Variants in PDS5B observed in about 807,000 individuals in gnomAD.
The protein encoded by PDS5B is PDS5 cohesin associated factor B.
A neutral mutation model predicts 184.1 loss-of-function variants in PDS5B; 51 were observed. The ratio of observed to expected loss-of-function variants is 0.28; its 90% CI spans 0.22 to 0.35. The LOEUF (loss-of-function observed/expected upper bound fraction) is 0.35. Among genes scored for constraint, PDS5B ranks in the 10% least tolerant of loss-of-function variants. The pLI is 1.00. For missense variants in PDS5B, 1,180 were observed against 1,723.3 expected (o/e 0.68, Z 5.58); for synonymous variants, 566 against 569.2 (o/e 0.99, Z 0.08).
rs117334197 is a variant in PDS5B at position 32,673,626 on chromosome 13, T to C, written c.846+270T>C. On this transcript the variant is annotated intron_variant, in intron 8 of 34. Transcript: ENST00000315596. ...GATAAATTCTAGGATTTGACTAACT[T>C]TTGAAGTCTTAGCTGTACATCAAGC... Among the ~76,000 whole-genome samples, 1,343 of 152,306 alleles carry C rather than the reference T, an allele frequency of 8.8e-3. 15 individuals carry two copies. Among genetic ancestry groups the C allele is most frequent in the Admixed American group, 0.019 (288 of 15,290 alleles).
chr13:32,641,172 T>C (rs1950078574), intron 1 of PDS5B, among the ~76,000 whole-genome samples: 1 of 152,224 alleles, frequency 6.6e-6, no homozygotes, highest in African/African-American at 2.4e-5. Context: ...TTTTCATTTT[T>C]TGTTTGCTCT....
At chr13:32,616,054 TCTCTC>T (rs1413492516) in intron 1 of PDS5B, among the ~76,000 whole-genome samples, 1 of 151,634 alleles carries the variant, frequency 6.6e-6, no homozygotes, top group Non-Finnish European at 1.5e-5. Flanking sequence ...CTCCTCTCTC[TCTCTC>T]TTTTTTTTTT....
chr13:32,739,324 A>G (rs1053276699), intron 21 of PDS5B, among the ~76,000 whole-genome samples: 1 of 152,094 alleles, frequency 6.6e-6, no homozygotes, highest in Non-Finnish European at 1.5e-5. Flanking sequence ...TTTTCCACTG[A>G]TGCGTTTGCC....
At chr13:32,603,268 TGTGTAAG>T (rs2058006854) in intron 1 of PDS5B, among the ~76,000 whole-genome samples, 1 of 152,236 alleles carries the variant, frequency 6.6e-6, no homozygotes, top group South Asian at 2.1e-4. Flanking sequence ...AATTAATTTT[TGTGTAAG>T]GTGTAAGGAA....
At chr13:32,725,373 T>C (rs1408853418) in intron 19 of PDS5B, among the ~76,000 whole-genome samples, 1 of 152,166 alleles carries the variant, frequency 6.6e-6, no homozygotes, top group African/African-American at 2.4e-5. Flanking sequence ...CTCTTCAAGT[T>C]AGTCCCTGAG....
chr13:32,682,828 T>C (rs1261548041), intron 10 of PDS5B, among the ~76,000 whole-genome samples: 1 of 152,198 alleles, frequency 6.6e-6, no homozygotes, highest in Admixed American at 6.5e-5. Context: ...CTTCAACTAT[T>C]TTAAATGTTT....
At chr13:32,690,840 A>G (rs1951527592) in intron 13 of PDS5B, 1 of 152,108 alleles carries the variant, frequency 6.6e-6, no homozygotes, top group African/African-American at 2.4e-5. Context: ...GAATGAATGG[A>G]TATTTATTTG....
intron 1 of PDS5B, among the ~76,000 whole-genome samples, chr13:32,627,543 C>G (rs1420211961): frequency 6.6e-6 from 1 of 151,756 alleles, no homozygotes; most frequent in Admixed American, 6.6e-5. Context: ...AAAGAAATAT[C>G]TTTTTTCTAG....
chr13:32,689,621 T>C (rs1251909124), intron 13 of PDS5B: 1 of 152,200 alleles, frequency 6.6e-6, no homozygotes, highest in Non-Finnish European at 1.5e-5. Flanking sequence ...ACACAAATGT[T>C]AAGTTCCACA....
intron 8 of PDS5B, among the ~76,000 whole-genome samples, chr13:32,673,960 C>CA (rs11369992): frequency 5.3e-5 from 8 of 152,164 alleles, no homozygotes; most frequent in African/African-American, 9.6e-5. Flanking sequence ...GGACTACAGG[C>CA]TGTGCCACCA....
intron 26 of PDS5B, 146 bp downstream of exon 26, chr13:32,756,102 CT>C (rs1250606025): frequency 3.7e-5 from 18 of 491,794 alleles, no homozygotes; most frequent in Admixed American, 2.4e-4. Flanking sequence ...TCTTGTCTTT[CT>C]TTTTTCATAC....
chr13:32,659,061 T>C lies in PDS5B; in HGVS notation c.498-93T>C, dbSNP rs184935075. 127 of 818,998 alleles carry C rather than the reference T, an allele frequency of 1.6e-4. No homozygotes were observed. In the Admixed American group the frequency reaches 3.4e-3, roughly 22 times the overall value. The allele number at this position is 818,998 out of a possible 1,614,324, so 50.7% of individuals were successfully genotyped here. ...AATTTTATTTAATATTTTAGTATTA[T>C]TTTTGTAAAGCATAATGCTTGTCAG... On this transcript the variant is annotated intron_variant, in intron 5 of 34. Coordinates refer to ENST00000315596, the MANE Select transcript of PDS5B (RefSeq NM_015032.4).
intron 6 of PDS5B, among the ~76,000 whole-genome samples, chr13:32,663,519 A>G (rs1453898301): frequency 6.6e-6 from 1 of 152,160 alleles, no homozygotes; most frequent in Admixed American, 6.5e-5. Context: ...AGATATAGAA[A>G]AAGATGGATA....
chr13:32,686,616 C>T (rs1032394551), intron 11 of PDS5B, among the ~76,000 whole-genome samples: 22 of 151,890 alleles, frequency 1.4e-4, no homozygotes, highest in Non-Finnish European at 2.8e-4. Flanking sequence ...CCTGTTTCTA[C>T]AAAAAACAAA....
At chr13:32,650,482 T>A (rs955619853) in intron 2 of PDS5B, 1 of 152,202 alleles carries the variant, frequency 6.6e-6, no homozygotes, top group African/African-American at 2.4e-5. Context: ...TTATAAAATT[T>A]TTTTTCCTGT....
intron 19 of PDS5B, among the ~76,000 whole-genome samples, chr13:32,719,484 G>A (rs979636358): frequency 2.0e-5 from 3 of 151,408 alleles, no homozygotes; most frequent in South Asian, 2.1e-4. Flanking sequence ...TGCCTGGCCT[G>A]GATTGTATTA....
intron 33 of PDS5B, among the ~76,000 whole-genome samples, chr13:32,772,124 C>A (rs983798670): frequency 2.0e-5 from 3 of 151,926 alleles, no homozygotes; most frequent in East Asian, 3.9e-4. Context: ...CATGTTATTT[C>A]TATAGTTTCA....
At chr13:32,736,530 T>C (rs2140961382) in intron 21 of PDS5B, among the ~76,000 whole-genome samples, 1 of 152,214 alleles carries the variant, frequency 6.6e-6, no homozygotes, top group African/African-American at 2.4e-5. Flanking sequence ...GCTGTGAATG[T>C]TTTTGTCTTT....
In PDS5B at chr13:32,601,823, G is replaced by A. The variant is rs894773665; in HGVS notation, c.-20+15230G>A. Among the ~76,000 whole-genome samples the A allele has an allele frequency of 2.0e-5, 3 of 151,986 alleles. No homozygotes were observed. The Admixed American group carries it at 2.0e-4, about 10-fold the overall frequency. On this transcript the variant is annotated intron_variant, in intron 1 of 34. Transcript: ENST00000315596. ...GATTAAAGAAAAGGTATATTCAAGA[G>A]GGAACTACATTGAATTGGTTTTAGA... is the stretch of plus-strand genomic sequence containing the variant.
Sources: gnomAD v4.1 joint callset for allele counts (sites outside exome capture counted in the v4.1 genomes callset) on GRCh38, gnomAD v4.1.1 for gene constraint, MANE v1.5 for transcripts, NCBI Gene and HGNC (gene_info 2026-07-23, HGNC 2026-07-21) for gene names.